The following MDGA1 variants were observed in gnomAD, a reference collection of about 807,000 sequenced individuals.
MDGA1 encodes the protein MAM domain-containing glycosylphosphatidylinositol anchor protein 1.
Under a neutral mutation model 101.5 loss-of-function variants are expected in MDGA1, and 54 were observed. The ratio of observed to expected loss-of-function variants is 0.53; its 90% CI spans 0.43 to 0.67. MDGA1 has a LOEUF of 0.67. Among genes scored for constraint, MDGA1 ranks in the 30% least tolerant of loss-of-function variants. MDGA1 has a pLI of 0.00. For missense variants in MDGA1, 1,083 were observed against 1,323.8 expected, an observed-to-expected ratio of 0.82 and a Z score of 2.82; for synonymous variants, 533 against 558.3, an observed-to-expected ratio of 0.95 and a Z score of 0.64.
At chr6:37,644,402 G>A in intron 13 of MDGA1, 95 bp downstream of exon 13, 2 of 1,288,326 alleles carry the variant, frequency 1.6e-6, no homozygotes, top group Non-Finnish European at 2.1e-6. Context: ...CCCTCAGACT[G>A]GAGCCGTCTC....
chr6:37,651,937 G>A (rs1386638886), intron 7 of MDGA1, 74 bp downstream of exon 7: 1 of 1,288,004 alleles, frequency 7.8e-7, no homozygotes, highest in Non-Finnish European at 1.0e-6. Flanking sequence ...CCAAGCCGTT[G>A]CCTCCCCACT....
In MDGA1 at chr6:37,637,407, C is replaced by A; in HGVS notation, c.2829G>T (p.Trp943Cys). ...CCAAGAGGAAGATGGCCATGGGCCCCCACAGCTGTGGGCTGGACTGGCAGG... is the reference window on the plus strand; with the variant it reads ...CCAAGAGGAAGATGGCCATGGGCCCACACAGCTGTGGGCTGGACTGGCAGG... ...GAPCQSSPQL[W>C]GPMAIFLLAL... is the part of the protein sequence containing the mutation. The change falls in exon 17 of 17, where the codon TGG (tryptophan) becomes TGT (cysteine). Residue 943 changes from tryptophan to cysteine, a missense_variant. Transcript: ENST00000434837. 6.2e-7 allele frequency: 1 copy of A among 1,613,728 alleles called. No individual in the cohort carries two copies.
intron 1 of MDGA1, among the ~76,000 whole-genome samples, chr6:37,681,783 G>T (rs1762101821): frequency 6.6e-6 from 1 of 152,102 alleles, no homozygotes; most frequent in Non-Finnish European, 1.5e-5. Context: ...TCCAACAGAA[G>T]AGGAGGAGGG....
At chr6:37,681,327 C>A (rs12529108) in intron 1 of MDGA1, among the ~76,000 whole-genome samples, 13 of 152,196 alleles carry the variant, frequency 8.5e-5, no homozygotes, top group African/African-American at 2.4e-5. Context: ...GCCCCTGCCC[C>A]CCCTCTTCAG....
chr6:37,649,290 CG>C, intron 8 of MDGA1, 24 bp from the exon 9 acceptor site: 1 of 1,461,296 alleles, frequency 6.8e-7, no homozygotes, highest in Admixed American at 2.6e-5. Context: ...CGGCGGTCAG[CG>C]GGGCCTCTCC....
intron 9 of MDGA1, among the ~76,000 whole-genome samples, chr6:37,647,727 AATAG>A (rs1417373101): frequency 2.0e-5 from 3 of 150,362 alleles, no homozygotes; most frequent in Non-Finnish European, 4.4e-5. Flanking sequence ...AGAGGAGGGG[AATAG>A]AGAGAGGAGT....
rs1445924952 is a variant in MDGA1 at position 37,654,833 on chromosome 6, T to C, written c.679A>G (p.Lys227Glu). ...TTGGTGAGCCGGAAGGTGATGGCCT[T>C]GTCTGGGATGCCGCACACGTTACGC... ...SVRNVCGIPD[K>E]AITFRLTNTT... The change falls in exon 5 of 17, where the codon AAG becomes GAG. Residue 227 changes from lysine to glutamate, a missense_variant. Physicochemically the swap from Lys to Glu is moderately conservative, Grantham distance 56 (BLOSUM62 1). Transcript: ENST00000434837. 1 of 1,613,806 alleles carries C rather than the reference T, an allele frequency of 6.2e-7. No homozygotes were observed. Among genetic ancestry groups the C allele is most frequent in the South Asian group, 1.1e-5 (1 of 91,076 alleles).
In MDGA1 at chr6:37,643,910, C is replaced by T. The variant is rs751206854; in HGVS notation, c.2435G>A (p.Arg812Gln). The change falls in exon 14 of 17, where the codon CGG becomes CAG. Residue 812 changes from arginine (R) to glutamine (Q), a missense_variant. By Grantham distance (43) the Arg-to-Gln change is conservative. Around this residue, in one of 3 missense-constraint regions of MDGA1, gnomAD observed 657 missense variants for 771.4 expected, o/e 0.85. Transcript: ENST00000434837. ...YYMFIETSRP[R>Q]ELGDRARLVS... ...TAACCTTGCACGGTCCCCCAGCTCC[C>T]GAGGCCTCGATGTCTCGATGAACAT... The T allele has an allele frequency of 3.7e-6, 6 of 1,613,816 alleles. No homozygotes were observed. The highest frequency in any genetic ancestry group is 1.1e-5 in the South Asian group (1 of 91,086).
intron 1 of MDGA1, among the ~76,000 whole-genome samples, chr6:37,677,688 G>A (rs189547333): frequency 6.6e-5 from 10 of 152,200 alleles, no homozygotes; most frequent in African/African-American, 2.4e-4. Flanking sequence ...TTTTTTCTAT[G>A]AAGTTGTTTA....
intron 1 of MDGA1, among the ~76,000 whole-genome samples, chr6:37,693,191 G>A (rs996539812): frequency 7.2e-5 from 11 of 152,132 alleles, no homozygotes; most frequent in Admixed American, 6.5e-5. Flanking sequence ...TTAGCCCCAG[G>A]AAACCAAAGT....
chr6:37,680,707 C>T (rs551005825), intron 1 of MDGA1, among the ~76,000 whole-genome samples: 103 of 152,352 alleles, frequency 6.8e-4, no homozygotes, highest in African/African-American at 2.0e-3. Context: ...TGCACCAGCG[C>T]TTTTCAAAGG....
rs16890084 is a variant in MDGA1, at chr6:37,684,202, G to A, written c.67+12543C>T. On this transcript the variant is annotated intron_variant, in intron 1 of 16. Coordinates refer to ENST00000434837, the MANE Select transcript of MDGA1 (RefSeq NM_153487.4). ...CAGCTAGCTTGTTAATAACTCTAAA[G>A]TGGAACTTGTAGGCAGTGTGACAAG... Among the ~76,000 whole-genome samples, 1,082 of 152,314 alleles carry A rather than the reference G, an allele frequency of 7.1e-3. 9 individuals are homozygous for A. Among genetic ancestry groups the A allele is most frequent in the African/African-American group, 0.025 (1,031 of 41,556 alleles).
intron 9 of MDGA1, 115 bp from the exon 10 acceptor site, chr6:37,647,439 G>T: frequency 5.1e-6 from 3 of 584,206 alleles, no homozygotes; most frequent in Non-Finnish European, 2.9e-6. Context: ...AGGGGACGGA[G>T]AAACAAAGAG....
At chr6:37,691,837 G>A (rs1052432671) in intron 1 of MDGA1, among the ~76,000 whole-genome samples, 3 of 152,202 alleles carry the variant, frequency 2.0e-5, no homozygotes, top group Non-Finnish European at 2.9e-5. Context: ...GGGGCCATGC[G>A]CCAGGTTTAT....
intron 13 of MDGA1, 46 bp downstream of exon 13, chr6:37,644,451 C>T (rs199872429): frequency 1.4e-6 from 2 of 1,478,514 alleles, no homozygotes; most frequent in Admixed American, 2.4e-5. Flanking sequence ...GCCTAGACAC[C>T]CCCCTGAAGC....
intron 8 of MDGA1, 28 bp from the exon 9 acceptor site, chr6:37,649,294 G>A: frequency 1.4e-6 from 2 of 1,457,878 alleles, no homozygotes; most frequent in South Asian, 1.4e-5. Context: ...GGTCAGCGGG[G>A]CCTCTCCCCA....
chr6:37,657,219 A>G (rs1326848143), intron 3 of MDGA1, among the ~76,000 whole-genome samples: 3 of 152,244 alleles, frequency 2.0e-5, no homozygotes, highest in Admixed American at 6.5e-5. Context: ...CTGATCAATT[A>G]CATCAGAATC....
At chr6:37,650,922 C>T (rs1362588518) in intron 7 of MDGA1, among the ~76,000 whole-genome samples, 1 of 152,202 alleles carries the variant, frequency 6.6e-6, no homozygotes, top group East Asian at 1.9e-4. Flanking sequence ...GCTACAGCCA[C>T]GTGACTAAAT....
intron 1 of MDGA1, among the ~76,000 whole-genome samples, chr6:37,686,237 G>A (rs548980232): frequency 8.1e-4 from 124 of 152,214 alleles, no homozygotes; most frequent in South Asian, 2.5e-3. Context: ...GGTTCCTGCT[G>A]TCTTCCTTCC....
Sources: allele counts gnomAD v4.1 joint callset (sites outside exome capture counted in the v4.1 genomes callset), GRCh38; gene constraint gnomAD v4.1.1; regional missense constraint gnomAD v4.1.1; transcripts MANE v1.5; gene names NCBI Gene and HGNC (gene_info 2026-07-23, HGNC 2026-07-21).